The following ME3 variants were observed in gnomAD, a reference collection of about 807,000 sequenced individuals.
ME3 encodes the protein NADP-dependent malic enzyme, mitochondrial.
In ME3, 48 loss-of-function variants were observed where a neutral mutation model predicts 68.9. The observed-to-expected ratio is 0.70, with a 90% CI of 0.55 to 0.89. The LOEUF (loss-of-function observed/expected upper bound fraction) is 0.89, where lower values mean the gene tolerates loss of function less well. ME3 is among the 40% of genes least tolerant of loss of function. ME3 has a pLI of 0.00. For missense variants in ME3, 675 were observed against 797.4 expected (o/e 0.85, Z 1.85); for synonymous variants, 320 against 318.8 (o/e 1.00, Z -0.04).
At chr11:86,554,085 AGT>A (rs1264331473) in intron 4 of ME3, among the ~76,000 whole-genome samples, 2 of 152,250 alleles carry the variant, frequency 1.3e-5, no homozygotes, top group African/African-American at 4.8e-5. Context: ...ATGTAAATTC[AGT>A]CCTGGTGGTG....
intron 13 of ME3, among the ~76,000 whole-genome samples, chr11:86,443,397 T>C (rs1257657179): frequency 6.6e-6 from 1 of 152,222 alleles, no homozygotes; most frequent in African/African-American, 2.4e-5. Context: ...GGAAGGCCTC[T>C]CCTCCAGTGA....
At chr11:86,444,258 G>A (rs1949162498) in intron 13 of ME3, among the ~76,000 whole-genome samples, 1 of 152,130 alleles carries the variant, frequency 6.6e-6, no homozygotes, top group Non-Finnish European at 1.5e-5. Flanking sequence ...GTGAGAGAGA[G>A]CATGGACAAG....
intron 2 of ME3, among the ~76,000 whole-genome samples, chr11:86,655,975 G>T (rs968245129): frequency 6.6e-6 from 1 of 151,882 alleles, no homozygotes; most frequent in Admixed American, 6.6e-5. Context: ...AGACATTTAT[G>T]CAGCCAAAAG....
chr11:86,478,768 T>C (rs566866239), intron 7 of ME3, among the ~76,000 whole-genome samples: 15 of 152,346 alleles, frequency 9.8e-5, no homozygotes, highest in Non-Finnish European at 2.2e-4. Context: ...ACATTTTTTA[T>C]GGTTGGTGGA....
chr11:86,447,273 G>C lies in ME3; in HGVS notation c.1238-66C>G, dbSNP rs924794660. ...TAAACAACCCATTCCTCTTCTGCTG[G>C]TGGTGGTGGGGGAACTAGGAATACC... On this transcript the variant is annotated intron_variant, in intron 11 of 14. Transcript: ENST00000543262. 8 of 1,566,108 alleles carry C rather than the reference G, an allele frequency of 5.1e-6. No individual in the cohort carries two copies. The African/African-American group carries it at 5.4e-5, about 11-fold the overall frequency.
intron 2 of ME3, among the ~76,000 whole-genome samples, chr11:86,665,072 T>G (rs980737473): frequency 6.6e-6 from 1 of 152,074 alleles, no homozygotes. Context: ...AGGGAAGAGA[T>G]GAGAGGAGGG....
At chr11:86,453,602 T>A (rs533502316) in intron 8 of ME3, among the ~76,000 whole-genome samples, 87 of 152,354 alleles carry the variant, frequency 5.7e-4, no homozygotes, top group African/African-American at 2.0e-3. Context: ...AAAATTTGAA[T>A]TTTAGATAAA....
intron 6 of ME3, among the ~76,000 whole-genome samples, chr11:86,491,662 A>G (rs1283017715): frequency 6.6e-6 from 1 of 152,222 alleles, no homozygotes. Context: ...GGGTAGGAGT[A>G]GTAACCTGCC....
intron 7 of ME3, among the ~76,000 whole-genome samples, chr11:86,468,089 T>A (rs1025323826): frequency 3.3e-5 from 5 of 152,148 alleles, no homozygotes; most frequent in African/African-American, 9.7e-5. Flanking sequence ...CACTGTCCCA[T>A]CTCAGTCTCT....
chr11:86,504,284 C>T (rs1049617939), intron 5 of ME3, among the ~76,000 whole-genome samples: 13 of 151,978 alleles, frequency 8.6e-5, no homozygotes, highest in African/African-American at 3.1e-4. Context: ...GACTTAGAAC[C>T]ACAGCTCTGG....
At chr11:86,447,391 C>T (rs1015884393) in intron 11 of ME3, among the ~76,000 whole-genome samples, 184 bp from the exon 12 acceptor site, 1 of 152,166 alleles carries the variant, frequency 6.6e-6, no homozygotes, top group African/African-American at 2.4e-5. Flanking sequence ...CTGAGACCTC[C>T]TTTTCATCTC....
chr11:86,472,342 A>C (rs1458437093), intron 7 of ME3, among the ~76,000 whole-genome samples: 3 of 152,188 alleles, frequency 2.0e-5, no homozygotes, highest in Non-Finnish European at 2.9e-5. Context: ...TGAGGGCTTT[A>C]GGCAGGAAGG....
rs566060589 is a variant in ME3, at chr11:86,594,538, T to TA, written c.184-34716dup. Among the ~76,000 whole-genome samples, 52 of 144,486 alleles carry TA rather than the reference T, an allele frequency of 3.6e-4. 4 individuals carry two copies. The highest frequency in any genetic ancestry group is 1.6e-3 in the South Asian group (7 of 4,304). 94.8% of individuals were successfully genotyped at this position (144,486 alleles called of 152,430 possible). A position where few individuals can be genotyped will look rare whatever the true frequency, so the allele number is the denominator to read the frequency against. ...ACACCCCATCTCTACAAAATAATAA[T>TA]AAAAAAATCAGCCAGGTGTGGTGAT... On this transcript the variant is annotated intron_variant, in intron 2 of 14. Transcript: ENST00000543262.
intron 2 of ME3, among the ~76,000 whole-genome samples, chr11:86,606,591 C>G (rs1961684931): frequency 6.6e-6 from 1 of 152,152 alleles, no homozygotes; most frequent in African/African-American, 2.4e-5. Context: ...TCTGACAACC[C>G]CAGTGAGTGA....
chr11:86,594,707 C>T (rs1959190802), intron 2 of ME3, among the ~76,000 whole-genome samples: 1 of 145,272 alleles, frequency 6.9e-6, no homozygotes, highest in Non-Finnish European at 1.5e-5. Context: ...CACAAAAAAA[C>T]AAAAAAACGA....
At chr11:86,562,666 T>C (rs974041606) in intron 2 of ME3, among the ~76,000 whole-genome samples, 1 of 152,136 alleles carries the variant, frequency 6.6e-6, no homozygotes, top group Non-Finnish European at 1.5e-5. Context: ...TTTCTTTTTT[T>C]CCCTTAAATT....
At chr11:86,479,753 C>A (rs1223694597) in intron 7 of ME3, among the ~76,000 whole-genome samples, 2 of 152,032 alleles carry the variant, frequency 1.3e-5, no homozygotes, top group African/African-American at 4.8e-5. Flanking sequence ...TAATTATTTT[C>A]TATTCAAAAA....
intron 2 of ME3, among the ~76,000 whole-genome samples, chr11:86,661,503 C>T (rs1441309701): frequency 1.3e-5 from 2 of 152,218 alleles, no homozygotes; most frequent in East Asian, 3.8e-4. Context: ...AAGATGAGGT[C>T]TCTTACAGGG....
intron 2 of ME3, among the ~76,000 whole-genome samples, chr11:86,574,043 T>A (rs935447993): frequency 6.6e-6 from 1 of 152,218 alleles, no homozygotes; most frequent in Non-Finnish European, 1.5e-5. Flanking sequence ...CAGTATTTTA[T>A]TGAGGATTTA....
Sources: gnomAD v4.1 joint callset for allele counts (sites outside exome capture counted in the v4.1 genomes callset) on GRCh38, gnomAD v4.1.1 for gene constraint, MANE v1.5 for transcripts, NCBI Gene and HGNC (gene_info 2026-07-23, HGNC 2026-07-21) for gene names.